CFAP65: variants seen among roughly 807,000 people sequenced by gnomAD.
CFAP65 encodes the protein cilia and flagella associated protein 65.
A neutral mutation model predicts 208.0 loss-of-function variants in CFAP65; 155 were observed. The observed-to-expected ratio is 0.75, with a 90% CI of 0.65 to 0.85. CFAP65 has a LOEUF of 0.85. Ranked by LOEUF, CFAP65 falls within the 40% of genes least tolerant of loss-of-function variation. The pLI, the probability that CFAP65 is intolerant of heterozygous loss-of-function variation, is 0.00. For synonymous variants in CFAP65, 970 were observed against 986.3 expected (o/e 0.98, Z 0.31); for missense variants, 2,294 against 2,451.3 (o/e 0.94, Z 1.36).
chr2:219,004,557 G>C lies in CFAP65; in HGVS notation c.5052-102C>G. 1 of 1,282,648 alleles carries C rather than the reference G, an allele frequency of 7.8e-7. No homozygotes were observed. Among genetic ancestry groups the C allele is most frequent in the Middle Eastern group, 2.5e-4 (1 of 4,006 alleles). The allele number at this position is 1,282,648 out of a possible 1,614,324, so 79.5% of individuals were successfully genotyped here. The stretch of plus-strand genomic sequence containing the variant: ...GTTCTAGGTGGGAAAGGGGCTGCTA[G>C]GTGGGGAGAGGGGAGCCCTTGGTCA... On this transcript the variant is annotated intron_variant, in intron 32 of 34. Transcript: ENST00000341552. This position sits in a 1 kb window ranked among gnomAD's most constrained non-coding sequence, Gnocchi z 4.7.
Position 219,005,689 on chromosome 2 carries a change from C to G in CFAP65, c.4923-127G>C, listed in dbSNP as rs547708613. 1.9e-5 allele frequency: 21 copies of G among 1,102,496 alleles called. No homozygotes were observed. The South Asian group carries it at 2.8e-4, about 15-fold the overall frequency. The allele number at this position is 1,102,496 out of a possible 1,614,324, so 68.3% of individuals were successfully genotyped here. On this transcript the variant is annotated intron_variant, in intron 31 of 34. Transcript: ENST00000341552. The stretch of plus-strand genomic sequence containing the variant: ...AGTTTGAGGCACTCCCAGCCTTAAC[C>G]CAAATGTAGTGCTACTGGGTTCAGA...
chr2:219,015,771 A>T (rs947841430), intron 21 of CFAP65: 1 of 152,236 alleles, frequency 6.6e-6, no homozygotes, highest in East Asian at 1.9e-4. Flanking sequence ...TGGTCATGAA[A>T]AAAAAGCAGC....
In CFAP65 at chr2:219,031,402, C is replaced by G; in HGVS notation, c.815+87G>C. ...GGGCAGAACCTCAGACTACCCTACCCCGACAAGGGTATGCCTGTCTCTCCT... is the reference window on the plus strand; with the variant it reads ...GGGCAGAACCTCAGACTACCCTACCGCGACAAGGGTATGCCTGTCTCTCCT... On this transcript the variant is annotated intron_variant, in intron 7 of 34. Coordinates refer to ENST00000341552, the MANE Select transcript of CFAP65 (RefSeq NM_194302.4). This position sits in a 1 kb window ranked among gnomAD's most constrained non-coding sequence, Gnocchi z 5.2. 1 of 1,608,658 alleles carries G rather than the reference C, an allele frequency of 6.2e-7. No individual in the cohort carries two copies. The highest frequency in any genetic ancestry group is 8.5e-7 in the Non-Finnish European group (1 of 1,176,564).
chr2:219,029,760 G>A, intron 10 of CFAP65, 92 bp from the exon 11 acceptor site: 1 of 1,487,512 alleles, frequency 6.7e-7, no homozygotes, highest in Non-Finnish European at 9.2e-7. Context: ...CCAGGCTACA[G>A]GCCCAGAGCC....
intron 29 of CFAP65, 130 bp downstream of exon 29, chr2:219,008,917 T>G: frequency 1.5e-6 from 1 of 683,006 alleles, no homozygotes; most frequent in Non-Finnish European, 2.6e-6. Context: ...GTCCAGTGAA[T>G]GAAATGTAAT....
rs1365721346 is a variant in CFAP65 at position 219,023,215 on chromosome 2, CGTT to C, written c.2809_2811del (p.Asn937del). The stretch of plus-strand genomic sequence containing the variant: ...GGAGGGGAGCCACTCACAAGTCTCT[CGTT>C]GGGCTGGATTAGCCCCCTGGAGGGC... On this transcript the variant is annotated inframe_deletion, in exon 16 of 35. Coordinates refer to ENST00000341552, the MANE Select transcript of CFAP65 (RefSeq NM_194302.4). The C allele has an allele frequency of 2.5e-6, 4 of 1,611,514 alleles. No individual in the cohort carries two copies. The African/African-American group carries it at 5.3e-5, about 22-fold the overall frequency.
At chr2:219,030,663 T>A in intron 9 of CFAP65, 26 bp downstream of exon 9, 1 of 1,607,702 alleles carries the variant, frequency 6.2e-7, no homozygotes, top group Non-Finnish European at 8.5e-7. Flanking sequence ...GCGTGAGTCC[T>A]GCCGCCCCTC....
At chr2:219,022,410 G>A (rs1356080882) in intron 16 of CFAP65, 81 bp from the exon 17 acceptor site, 1 of 1,489,226 alleles carries the variant, frequency 6.7e-7, no homozygotes, top group Non-Finnish European at 9.2e-7. Context: ...CCCATGGCAG[G>A]GCGTCATGCT....
chr2:219,021,283 G>T lies in CFAP65; in HGVS notation c.3131-3C>A. On this transcript the variant is annotated splice_region_variant and splice_polypyrimidine_tract_variant and intron_variant, in intron 18 of 34. Transcript: ENST00000341552. Reference sequence around the variant, plus strand: ...CTCTGTTCGGTCCAGCTGCAGAGCTGCTCAGGGATGATGCCGGAGGGTCAG... The same window carrying T: ...CTCTGTTCGGTCCAGCTGCAGAGCTTCTCAGGGATGATGCCGGAGGGTCAG... The T allele has an allele frequency of 6.4e-7, 1 of 1,574,356 alleles. No homozygotes were observed.
At chr2:219,018,200 T>C (rs1366472368) in intron 21 of CFAP65, 1 of 152,252 alleles carries the variant, frequency 6.6e-6, no homozygotes, top group African/African-American at 2.4e-5. Context: ...ATCCCTCTCC[T>C]AAGTCTGACC....
At chr2:219,017,729 C>T (rs1024220870) in intron 21 of CFAP65, among the ~76,000 whole-genome samples, 7 of 152,238 alleles carry the variant, frequency 4.6e-5, no homozygotes, top group Admixed American at 2.6e-4. Context: ...AACACCAGCG[C>T]GCAGTCCATG....
chr2:219,010,227 A>G, intron 26 of CFAP65, 142 bp from the exon 27 acceptor site: 1 of 725,618 alleles, frequency 1.4e-6, no homozygotes, highest in Non-Finnish European at 2.2e-6. Context: ...CCCTTTTGAC[A>G]CCTTTCAACA....
chr2:219,021,329 AT>A, intron 18 of CFAP65, 49 bp from the exon 19 acceptor site: 1 of 1,506,374 alleles, frequency 6.6e-7, no homozygotes, highest in Non-Finnish European at 8.9e-7. Context: ...AGGCCCAGCC[AT>A]TCCTCCTGCT....
In CFAP65 at chr2:219,010,848, CG is replaced by C; in HGVS notation, c.4105del (p.Arg1369GlyfsTer41). ...GATAGGTGAGAAGATCCACAAGACCCGGGCAGTGCTGCCTGGCTGGATCTCC... is the reference window on the plus strand; with the variant it reads ...GATAGGTGAGAAGATCCACAAGACCCGGCAGTGCTGCCTGGCTGGATCTCC... ...KGEIQPGSTA[R>X]VLWIFSPIEA... On this transcript the variant is annotated frameshift_variant, in exon 25 of 35. Transcript: ENST00000341552. LOFTEE classifies it high-confidence loss of function. 1 of 1,612,498 alleles carries C rather than the reference CG, an allele frequency of 6.2e-7. No individual in the cohort carries two copies. Among genetic ancestry groups the C allele is most frequent in the Middle Eastern group, 1.7e-4 (1 of 6,052 alleles).
At chr2:219,005,992 A>C in intron 31 of CFAP65, 29 bp downstream of exon 31, 2 of 1,605,466 alleles carry the variant, frequency 1.2e-6, no homozygotes, top group Non-Finnish European at 1.7e-6. Context: ...GAGAAGAGGA[A>C]GGTGACCCCT....
intron 29 of CFAP65, among the ~76,000 whole-genome samples, chr2:219,008,733 C>CAA (rs200400692): frequency 2.0e-5 from 3 of 149,650 alleles, no homozygotes; most frequent in African/African-American, 7.4e-5. Context: ...GACTCTGTCT[C>CAA]AAAAAAAAAT....
At chr2:219,010,109 AG>A in intron 26 of CFAP65, 24 bp from the exon 27 acceptor site, 1 of 1,562,740 alleles carries the variant, frequency 6.4e-7, no homozygotes, top group Non-Finnish European at 8.7e-7. Context: ...GCGGAGGTAA[AG>A]AAATAAGAAC....
chr2:219,020,626 C>G (rs112145532), intron 19 of CFAP65, among the ~76,000 whole-genome samples: 6,709 of 152,288 alleles, frequency 0.044, 479 homozygotes, highest in African/African-American at 0.15. Context: ...CCAATCTTCC[C>G]ACCTCAGCTT....
chr2:219,019,670 G>C lies in CFAP65; in HGVS notation c.3309C>G (p.Ala1103=), dbSNP rs553272675. ...KQELCCVSLV[A]VYPLLSILDV... ...CCAGGATGGAAAGCAAGGGGTACACGGCCACCAGGGAGACGCAGCACAGCT... is the reference window on the plus strand; with the variant it reads ...CCAGGATGGAAAGCAAGGGGTACACCGCCACCAGGGAGACGCAGCACAGCT... Residue 1103 remains alanine (A), a synonymous_variant, in exon 20 of 35, where the codon GCC becomes GCG. Coordinates refer to ENST00000341552, the MANE Select transcript of CFAP65 (RefSeq NM_194302.4). 3 of 1,613,634 alleles carry C rather than the reference G, an allele frequency of 1.9e-6. No homozygotes were observed. The highest frequency in any genetic ancestry group is 1.1e-5 in the South Asian group (1 of 91,074).
Sources: gnomAD v4.1 joint callset for allele counts (sites outside exome capture counted in the v4.1 genomes callset) on GRCh38, gnomAD v4.1.1 for gene constraint, Gnocchi (gnomAD v3.1) non-coding constraint, MANE v1.5 for transcripts, NCBI Gene and HGNC (gene_info 2026-07-23, HGNC 2026-07-21) for gene names.